Variants in PPTC7 observed in about 807,000 individuals in gnomAD.
PPTC7 encodes protein phosphatase PTC7 homolog.
PPTC7 carries 6 observed loss-of-function variants against 30.8 expected under a neutral mutation model. The observed-to-expected ratio is 0.19, with a 90% confidence interval of 0.11 to 0.38. The LOEUF is 0.38. Among genes scored for constraint, PPTC7 ranks in the 10% least tolerant of loss-of-function variants. The pLI is 1.00. For synonymous variants in PPTC7, 163 were observed against 168.1 expected (o/e 0.97, Z 0.23); for missense variants, 218 against 404.8 (o/e 0.54, Z 3.96).
intron 3 of PPTC7, 66 bp downstream of exon 3, chr12:110,545,814 G>A: frequency 1.4e-6 from 2 of 1,424,424 alleles, no homozygotes; most frequent in South Asian, 1.2e-5. Flanking sequence ...GCACTCAAGG[G>A]GGACAGGAGG....
In PPTC7 at chr12:110,533,495, C is replaced by A. The variant is rs2064186817; in HGVS notation, c.*3542G>T. On this transcript the variant is annotated 3_prime_UTR_variant, in exon 6 of 6. Transcript: ENST00000354300. The stretch of plus-strand genomic sequence containing the variant: ...AACAGTTAAAATTCTGACATGGACA[C>A]GTTTTAGTTGAGAAGTTCAATTTTG... 1 of 152,078 alleles carries A rather than the reference C, an allele frequency of 6.6e-6. No homozygotes were observed. Among genetic ancestry groups the A allele is most frequent in the Non-Finnish European group, 1.5e-5 (1 of 68,016 alleles). 9.4% of individuals were successfully genotyped at this position (152,078 alleles called of 1,614,324 possible).
intron 1 of PPTC7, among the ~76,000 whole-genome samples, chr12:110,582,042 C>T (rs2064641571): frequency 6.6e-6 from 1 of 152,168 alleles, no homozygotes; most frequent in African/African-American, 2.4e-5. Flanking sequence ...CCGTAGTCTC[C>T]CACCCCCAAA....
intron 1 of PPTC7, among the ~76,000 whole-genome samples, chr12:110,578,961 C>T (rs994039156): frequency 4.6e-5 from 7 of 152,082 alleles, no homozygotes; most frequent in African/African-American, 9.7e-5. Context: ...GCCTAGGCAA[C>T]GTGGCGAAAC....
At chr12:110,548,653 G>GT (rs1005566656) in intron 2 of PPTC7, among the ~76,000 whole-genome samples, 1 of 152,162 alleles carries the variant, frequency 6.6e-6, no homozygotes, top group Non-Finnish European at 1.5e-5. Context: ...AACAACCCGA[G>GT]TAGCACATCC....
At chr12:110,550,042 C>T (rs1264489861) in intron 2 of PPTC7, among the ~76,000 whole-genome samples, 1 of 152,014 alleles carries the variant, frequency 6.6e-6, no homozygotes, top group Non-Finnish European at 1.5e-5. Flanking sequence ...TAAGACAAAG[C>T]AGTATATATT....
intron 1 of PPTC7, among the ~76,000 whole-genome samples, chr12:110,578,482 C>T (rs56065235): frequency 0.08 from 12,158 of 152,054 alleles, 528 homozygotes; most frequent in Middle Eastern, 0.11. Flanking sequence ...TCAGTTTTTC[C>T]GAAACGAAAT....
At chr12:110,539,069 A>AAGC (rs2064238217) in intron 4 of PPTC7, among the ~76,000 whole-genome samples, 1 of 152,160 alleles carries the variant, frequency 6.6e-6, no homozygotes, top group African/African-American at 2.4e-5. Flanking sequence ...TGTGACAAGG[A>AAGC]AGCACCTCAC....
intron 1 of PPTC7, among the ~76,000 whole-genome samples, chr12:110,555,122 T>C (rs1475027107): frequency 6.6e-6 from 1 of 152,132 alleles, no homozygotes; most frequent in Non-Finnish European, 1.5e-5. Context: ...TTAACATGAA[T>C]TGGACATGTG....
chr12:110,582,660 T>A (rs1225514251), intron 1 of PPTC7, 149 bp downstream of exon 1: 1 of 678,760 alleles, frequency 1.5e-6, no homozygotes, highest in Non-Finnish European at 2.4e-6. Context: ...TCGGAGCGCT[T>A]GGCACGGCGC....
At chr12:110,555,004 T>C (rs1452295442) in intron 1 of PPTC7, among the ~76,000 whole-genome samples, 1 of 152,214 alleles carries the variant, frequency 6.6e-6, no homozygotes, top group Non-Finnish European at 1.5e-5. Flanking sequence ...TTTCTGAGCA[T>C]GAAACATCCT....
At chr12:110,556,891 C>T (rs1027667884) in intron 1 of PPTC7, among the ~76,000 whole-genome samples, 4 of 152,126 alleles carry the variant, frequency 2.6e-5, no homozygotes, top group Admixed American at 6.5e-5. Context: ...GAGAATGCAG[C>T]GCCTCAAGAA....
At chr12:110,543,164 G>A (rs1244271813) in intron 3 of PPTC7, among the ~76,000 whole-genome samples, 3 of 152,188 alleles carry the variant, frequency 2.0e-5, no homozygotes, top group Non-Finnish European at 1.5e-5. Context: ...TGAAGAGAAA[G>A]CATAAAAACT....
In PPTC7 at chr12:110,583,185, G is replaced by T. The variant is rs972307371; in HGVS notation, c.-154C>A. ...CCGCCGCCGCCCCTGCCCGACGCGC[G>T]GGGCCTCGCACGCGCTCAGCCGCGC... is the stretch of plus-strand genomic sequence containing the variant. On this transcript the variant is annotated 5_prime_UTR_variant, in exon 1 of 6. Coordinates refer to ENST00000354300, the MANE Select transcript of PPTC7 (RefSeq NM_139283.2). 1.6e-5 allele frequency: 5 copies of T among 321,494 alleles called. No individual in the cohort carries two copies. Among genetic ancestry groups the T allele is most frequent in the Non-Finnish European group, 2.5e-5 (5 of 203,360 alleles). 19.9% of individuals were successfully genotyped at this position (321,494 alleles called of 1,614,324 possible).
At chr12:110,564,253 T>C (rs1406653949) in intron 1 of PPTC7, among the ~76,000 whole-genome samples, 4 of 152,230 alleles carry the variant, frequency 2.6e-5, no homozygotes, top group African/African-American at 7.2e-5. Context: ...TTGTAAGTTA[T>C]GAATAGCAGA....
At chr12:110,540,318 C>G (rs1164739120) in intron 3 of PPTC7, among the ~76,000 whole-genome samples, 1 of 126,964 alleles carries the variant, frequency 7.9e-6, no homozygotes, top group Non-Finnish European at 1.6e-5. Context: ...CATCCCCCCC[C>G]GCCTTTTTTT....
intron 1 of PPTC7, among the ~76,000 whole-genome samples, chr12:110,575,902 C>T (rs779909015): frequency 5.9e-5 from 9 of 152,040 alleles, no homozygotes; most frequent in Admixed American, 2.0e-4. Flanking sequence ...ATAAAGGTAC[C>T]TTAATAAGTA....
Position 110,583,163 on chromosome 12 carries a change from C to A in PPTC7, c.-132G>T, listed in dbSNP as rs1254769292. On this transcript the variant is annotated 5_prime_UTR_variant, in exon 1 of 6. Coordinates refer to ENST00000354300, the MANE Select transcript of PPTC7 (RefSeq NM_139283.2). The stretch of plus-strand genomic sequence containing the variant: ...TCCTCAGGGCGGCGCGCAGTGGCCG[C>A]CGCCGCCCCTGCCCGACGCGCGGGG... 2.8e-5 allele frequency: 14 copies of A among 499,452 alleles called. No homozygotes were observed. The highest frequency in any genetic ancestry group is 4.0e-5 in the Non-Finnish European group (14 of 350,106). 30.9% of individuals were successfully genotyped at this position (499,452 alleles called of 1,614,324 possible). A position where few individuals can be genotyped will look rare whatever the true frequency, so the allele number is the denominator to read the frequency against.
intron 1 of PPTC7, among the ~76,000 whole-genome samples, chr12:110,565,581 G>A (rs1258763332): frequency 6.6e-6 from 1 of 152,158 alleles, no homozygotes; most frequent in Non-Finnish European, 1.5e-5. Flanking sequence ...TTAGCAATGA[G>A]TAATGTTACT....
intron 2 of PPTC7, among the ~76,000 whole-genome samples, chr12:110,548,852 G>A (rs567685516): frequency 2.6e-5 from 4 of 152,132 alleles, no homozygotes; most frequent in Admixed American, 6.5e-5. Context: ...AACCATCTGG[G>A]CTTGGAGTGT....
Sources: gnomAD v4.1 joint callset for allele counts (sites outside exome capture counted in the v4.1 genomes callset) on GRCh38, gnomAD v4.1.1 for gene constraint, MANE v1.5 for transcripts, NCBI Gene and HGNC (gene_info 2026-07-23, HGNC 2026-07-21) for gene names.